Variants in ITPR2 observed in about 807,000 individuals in gnomAD.
ITPR2 encodes inositol 1,4,5-trisphosphate-gated calcium channel ITPR2.
Under a neutral mutation model 317.1 loss-of-function variants are expected in ITPR2, and 207 were observed. The ratio of observed to expected loss-of-function variants is 0.65; its 90% CI spans 0.58 to 0.73. The LOEUF (loss-of-function observed/expected upper bound fraction) is 0.73. Among genes scored for constraint, ITPR2 ranks in the 30% least tolerant of loss-of-function variants. The pLI is 0.00. For synonymous variants in ITPR2, 1,156 were observed against 1,149.1 expected, an observed-to-expected ratio of 1.01 and a Z score of -0.12; for missense variants, 2,613 against 3,284.0, an observed-to-expected ratio of 0.80 and a Z score of 4.99.
chr12:26,463,163 A>G (rs1942084825), intron 45 of ITPR2, among the ~76,000 whole-genome samples: 1 of 152,148 alleles, frequency 6.6e-6, no homozygotes, highest in East Asian at 1.9e-4. Flanking sequence ...CTTATAATTG[A>G]TTTATCTGTA....
chr12:26,391,364 T>C (rs753437806), intron 54 of ITPR2, among the ~76,000 whole-genome samples: 7 of 151,882 alleles, frequency 4.6e-5, no homozygotes, highest in Non-Finnish European at 7.4e-5. Flanking sequence ...GCAGGAAAAA[T>C]GGCATGGAAA....
intron 26 of ITPR2, among the ~76,000 whole-genome samples, chr12:26,613,883 T>C (rs894068019): frequency 6.6e-6 from 1 of 152,112 alleles, no homozygotes; most frequent in Non-Finnish European, 1.5e-5. Flanking sequence ...AAAAGGTATG[T>C]TCAATATGGT....
chr12:26,682,186 G>A, intron 12 of ITPR2, 152 bp from the exon 13 acceptor site: 1 of 649,838 alleles, frequency 1.5e-6, no homozygotes, highest in African/African-American at 1.8e-5. Flanking sequence ...ATGAAAGGCT[G>A]CAGGGACACA....
chr12:26,702,699 C>CA (rs1948471881), intron 9 of ITPR2, among the ~76,000 whole-genome samples: 1 of 152,136 alleles, frequency 6.6e-6, no homozygotes, highest in African/African-American at 2.4e-5. Flanking sequence ...CTTGGCCTCC[C>CA]AAAGTGCTGG....
intron 54 of ITPR2, among the ~76,000 whole-genome samples, chr12:26,390,049 T>C (rs911987074): frequency 6.6e-6 from 1 of 152,218 alleles, no homozygotes; most frequent in African/African-American, 2.4e-5. Flanking sequence ...GAATTAATAA[T>C]ATTTCACTAC....
At chr12:26,672,981 T>C (rs971108156) in intron 13 of ITPR2, among the ~76,000 whole-genome samples, 6 of 151,988 alleles carry the variant, frequency 3.9e-5, no homozygotes, top group East Asian at 3.9e-4. Flanking sequence ...ACACATACAC[T>C]CTCCCAAGAC....
At chr12:26,703,067 A>C (rs4142699) in intron 9 of ITPR2, among the ~76,000 whole-genome samples, 68,799 of 152,030 alleles carry the variant, frequency 0.45, 16,171 homozygotes, top group East Asian at 0.77. Context: ...ATACCTAAAC[A>C]ATCCAGTTAA....
At chr12:26,715,223 C>T in intron 8 of ITPR2, 76 bp downstream of exon 8, 1 of 1,309,152 alleles carries the variant, frequency 7.6e-7, no homozygotes, top group Non-Finnish European at 1.1e-6. Flanking sequence ...ATGCCTATAA[C>T]AATAAAACAA....
intron 55 of ITPR2, among the ~76,000 whole-genome samples, chr12:26,385,692 C>G (rs1939644744): frequency 1.3e-5 from 2 of 152,164 alleles, no homozygotes; most frequent in Admixed American, 6.5e-5. Context: ...CTCACGATCC[C>G]CTGAGTGTCC....
chr12:26,784,324 T>A (rs374479397), intron 2 of ITPR2, among the ~76,000 whole-genome samples: 1 of 23,060 alleles, frequency 4.3e-5, no homozygotes, highest in Non-Finnish European at 9.3e-5. Flanking sequence ...CCTCTGCCTC[T>A]CCCTCTCCCT....
chr12:26,369,586 G>C (rs1939121960), intron 55 of ITPR2, among the ~76,000 whole-genome samples: 1 of 152,166 alleles, frequency 6.6e-6, no homozygotes, highest in Non-Finnish European at 1.5e-5. Flanking sequence ...AGCAACAAAT[G>C]AATGTGCAGA....
intron 39 of ITPR2, among the ~76,000 whole-genome samples, chr12:26,491,426 T>G (rs1942798768): frequency 7.8e-6 from 1 of 128,892 alleles, no homozygotes; most frequent in Non-Finnish European, 1.5e-5. Flanking sequence ...GAGTTTGCAG[T>G]GAGCCGAGAT....
At chr12:26,664,149 A>T (rs952301252) in intron 14 of ITPR2, among the ~76,000 whole-genome samples, 2 of 152,222 alleles carry the variant, frequency 1.3e-5, no homozygotes, top group African/African-American at 2.4e-5. Context: ...AAGTTACATG[A>T]ACATATTCAG....
At chr12:26,810,855 A>T (rs1356791000) in intron 1 of ITPR2, among the ~76,000 whole-genome samples, 1 of 152,076 alleles carries the variant, frequency 6.6e-6, no homozygotes, top group Admixed American at 6.6e-5. Context: ...TTTTATAGAC[A>T]GGATCTCACT....
At chr12:26,657,304 A>C (rs2136906164) in intron 18 of ITPR2, among the ~76,000 whole-genome samples, 1 of 152,308 alleles carries the variant, frequency 6.6e-6, no homozygotes, top group South Asian at 2.1e-4. Flanking sequence ...CATATTCATA[A>C]TCCACTCTAT....
chr12:26,573,611 T>C (rs1945213058), intron 34 of ITPR2, among the ~76,000 whole-genome samples: 2 of 152,196 alleles, frequency 1.3e-5, no homozygotes. Context: ...AATACTTCAC[T>C]GAGCCCTTAT....
At chr12:26,589,822 A>AT (rs1945646723) in intron 32 of ITPR2, among the ~76,000 whole-genome samples, 1 of 36,568 alleles carries the variant, frequency 2.7e-5, no homozygotes, top group African/African-American at 7.7e-5. Flanking sequence ...ATAAATAAAT[A>AT]AATAAATAAA....
chr12:26,402,358 A>T lies in ITPR2; in HGVS notation c.7400-2100T>A, dbSNP rs1940205234. ...CTAGCGTCACGATCTGCATTCATTT[A>T]TTCATTCAGGAACTACCTGGTCATG... On this transcript the variant is annotated intron_variant, in intron 52 of 56. Transcript: ENST00000381340. 2.0e-5 allele frequency among the ~76,000 whole-genome samples: 3 copies of T among 152,180 alleles called. No individual in the cohort carries two copies. The South Asian group carries it at 6.2e-4, about 32-fold the overall frequency.
At chr12:26,551,423 G>A (rs967613804) in intron 36 of ITPR2, among the ~76,000 whole-genome samples, 1 of 152,196 alleles carries the variant, frequency 6.6e-6, no homozygotes, top group African/African-American at 2.4e-5. Flanking sequence ...GGTGAGACCT[G>A]CAAATGCATT....
Sources: allele counts gnomAD v4.1 joint callset (sites outside exome capture counted in the v4.1 genomes callset), GRCh38; gene constraint gnomAD v4.1.1; transcripts MANE v1.5; gene names NCBI Gene and HGNC (gene_info 2026-07-23, HGNC 2026-07-21).